PDE4D: variants seen among roughly 807,000 people sequenced by gnomAD.
The protein encoded by PDE4D is 3',5'-cyclic-AMP phosphodiesterase 4D.
Under a neutral mutation model 87.4 loss-of-function variants are expected in PDE4D, and 24 were observed. The ratio of observed to expected loss-of-function variants is 0.27; its 90% CI spans 0.20 to 0.39. The LOEUF (loss-of-function observed/expected upper bound fraction) is 0.39, where lower values mean the gene tolerates loss of function less well. PDE4D is among the 10% of genes least tolerant of loss of function. The pLI is 1.00. For missense variants in PDE4D, 714 were observed against 1,041.0 expected, an observed-to-expected ratio of 0.69 and a Z score of 4.32; for synonymous variants, 384 against 383.2, an observed-to-expected ratio of 1.00 and a Z score of -0.02.
At chr5:59,775,855 C>T (rs1442807470) in intron 1 of PDE4D, among the ~76,000 whole-genome samples, 2 of 152,184 alleles carry the variant, frequency 1.3e-5, no homozygotes, top group African/African-American at 4.8e-5. Flanking sequence ...ATACCCACCC[C>T]TGACCGGCCC....
At chr5:59,143,337 G>C (rs1048726737) in intron 5 of PDE4D, among the ~76,000 whole-genome samples, 2 of 152,004 alleles carry the variant, frequency 1.3e-5, no homozygotes, top group Non-Finnish European at 2.9e-5. Context: ...ATTTAATTTT[G>C]AAGAAAACAA....
intron 1 of PDE4D, among the ~76,000 whole-genome samples, chr5:59,605,370 T>C (rs573039081): frequency 5.3e-5 from 8 of 152,192 alleles, no homozygotes; most frequent in Middle Eastern, 3.4e-3. Context: ...GATAATAAAT[T>C]TGTTATTTCT....
chr5:60,116,523 G>A (rs1477597494), intron 2 of PDE4D, among the ~76,000 whole-genome samples: 1 of 151,916 alleles, frequency 6.6e-6, no homozygotes, highest in African/African-American at 2.4e-5. Flanking sequence ...AAGAGCAGAG[G>A]AGAAAATGTA....
chr5:60,245,294 G>A (rs112082732), intron 1 of PDE4D, among the ~76,000 whole-genome samples: 2,156 of 152,030 alleles, frequency 0.014, 23 homozygotes, highest in Middle Eastern at 0.034. Flanking sequence ...AAATGCTGGC[G>A]AGGATGTGAA....
At chr5:59,696,857 A>T (rs1384797118) in intron 1 of PDE4D, among the ~76,000 whole-genome samples, 1 of 152,206 alleles carries the variant, frequency 6.6e-6, no homozygotes, top group Non-Finnish European at 1.5e-5. Flanking sequence ...CTGTCACAAC[A>T]GAAAGTATCT....
chr5:59,824,009 T>C (rs1299388724), intron 1 of PDE4D, among the ~76,000 whole-genome samples: 1 of 151,764 alleles, frequency 6.6e-6, no homozygotes, highest in African/African-American at 2.4e-5. Context: ...TCATAGCAGT[T>C]CTCACTGTGG....
intron 3 of PDE4D, among the ~76,000 whole-genome samples, chr5:59,975,463 C>A (rs1418805754): frequency 2.6e-5 from 4 of 152,278 alleles, no homozygotes; most frequent in African/African-American, 9.6e-5. Context: ...TTTCTAGAGA[C>A]CTTGAATACT....
intron 1 of PDE4D, among the ~76,000 whole-genome samples, chr5:59,458,607 A>C (rs1393147515): frequency 1.3e-5 from 2 of 152,184 alleles, no homozygotes; most frequent in Non-Finnish European, 2.9e-5. Flanking sequence ...AAAATAACAC[A>C]TTTTGGGAAT....
intron 2 of PDE4D, among the ~76,000 whole-genome samples, chr5:60,044,502 T>C (rs1768953358): frequency 6.6e-6 from 1 of 152,270 alleles, no homozygotes; most frequent in African/African-American, 2.4e-5. Context: ...CTCCCATTGC[T>C]ATCCCTCCCC....
chr5:60,258,602 T>C (rs1176121900), intron 1 of PDE4D, among the ~76,000 whole-genome samples: 4 of 151,868 alleles, frequency 2.6e-5, no homozygotes, highest in South Asian at 4.1e-4. Context: ...AGGAAAAATA[T>C]AAAAATATTC....
In PDE4D at chr5:59,638,239, CAAAG is replaced by C. The variant is rs749236980; in HGVS notation, c.455+254925_455+254928del. Among the ~76,000 whole-genome samples the C allele has an allele frequency of 2.1e-3, 319 of 152,158 alleles. 3 individuals carry two copies. The highest frequency in any genetic ancestry group is 2.0e-3 in the Non-Finnish European group (134 of 67,974). On this transcript the variant is annotated intron_variant, in intron 1 of 14. Transcript: ENST00000340635. ...CAATGGGTTATCATAAAGCAAAAAACAAAGAAACTCCTAACTCACTCCATGAGAT... is the reference window on the plus strand; with the variant it reads ...CAATGGGTTATCATAAAGCAAAAAACAAACTCCTAACTCACTCCATGAGAT...
intron 3 of PDE4D, among the ~76,000 whole-genome samples, chr5:59,973,806 G>T (rs1561930741): frequency 6.6e-6 from 1 of 152,026 alleles, no homozygotes; most frequent in South Asian, 2.1e-4. Flanking sequence ...CCAAATTCTA[G>T]TCACAGATAC....
intron 1 of PDE4D, among the ~76,000 whole-genome samples, chr5:59,566,011 A>G (rs1820821127): frequency 1.3e-5 from 2 of 152,232 alleles, no homozygotes; most frequent in Admixed American, 6.5e-5. Flanking sequence ...AAAATTTTAT[A>G]TATAAATACA....
chr5:59,448,138 A>T (rs1258303569), intron 1 of PDE4D, among the ~76,000 whole-genome samples: 1 of 152,204 alleles, frequency 6.6e-6, no homozygotes, highest in Non-Finnish European at 1.5e-5. Context: ...AAGCAGGCTG[A>T]CACACGGATG....
intron 1 of PDE4D, among the ~76,000 whole-genome samples, chr5:59,550,736 C>T (rs1054241620): frequency 1.2e-4 from 18 of 146,698 alleles, no homozygotes; most frequent in Non-Finnish European, 2.2e-4. Flanking sequence ...CTCACTCTGT[C>T]GCCCAGGCTG....
At chr5:60,185,324 G>C (rs1784696368) in intron 2 of PDE4D, among the ~76,000 whole-genome samples, 1 of 152,078 alleles carries the variant, frequency 6.6e-6, no homozygotes, top group South Asian at 2.1e-4. Context: ...AGACGTATAT[G>C]AATGAATGGT....
chr5:59,302,317 T>A (rs1770420991), intron 1 of PDE4D, among the ~76,000 whole-genome samples: 1 of 151,614 alleles, frequency 6.6e-6, no homozygotes, highest in Non-Finnish European at 1.5e-5. Context: ...TTCCACTTGG[T>A]CCCTTCCGAA....
intron 5 of PDE4D, among the ~76,000 whole-genome samples, chr5:59,149,920 G>A (rs1295130970): frequency 6.6e-6 from 1 of 151,724 alleles, no homozygotes; most frequent in Non-Finnish European, 1.5e-5. Flanking sequence ...CCTGATTCAG[G>A]GTGTTTAAAA....
At chr5:59,076,902 A>G (rs932701719) in intron 5 of PDE4D, among the ~76,000 whole-genome samples, 5 of 152,226 alleles carry the variant, frequency 3.3e-5, no homozygotes, top group Admixed American at 1.3e-4. Flanking sequence ...AAAAGATACC[A>G]CAATTCAAAG....
Sources: allele counts gnomAD v4.1 joint callset (sites outside exome capture counted in the v4.1 genomes callset), GRCh38; gene constraint gnomAD v4.1.1; transcripts MANE v1.5; gene names NCBI Gene and HGNC (gene_info 2026-07-23, HGNC 2026-07-21).